Variants in NELL1 observed in about 807,000 individuals in gnomAD.
NELL1 encodes the protein neural EGFL like 1, also known as protein kinase C-binding protein NELL1.
A neutral mutation model predicts 107.4 loss-of-function variants in NELL1; 76 were observed. That is an observed-to-expected ratio of 0.71 (90% CI 0.59 to 0.86). The LOEUF (loss-of-function observed/expected upper bound fraction) is 0.86. Ranked by LOEUF, NELL1 falls within the 40% of genes least tolerant of loss-of-function variation. The pLI, the probability that NELL1 is intolerant of heterozygous loss-of-function variation, is 0.00. For synonymous variants in NELL1, 353 were observed against 341.2 expected (o/e 1.03, Z -0.38); for missense variants, 1,024 against 1,005.5 (o/e 1.02, Z -0.25).
chr11:21,403,622 T>G (rs907071617), intron 15 of NELL1, among the ~76,000 whole-genome samples: 3 of 146,714 alleles, frequency 2.0e-5, no homozygotes, highest in African/African-American at 7.6e-5. Context: ...AAAAAAAAAA[T>G]GTGCCTTTAA....
chr11:21,048,529 A>G (rs1207440542), intron 12 of NELL1, among the ~76,000 whole-genome samples: 1 of 151,778 alleles, frequency 6.6e-6, no homozygotes. Flanking sequence ...CTTGCTTCTC[A>G]TCCTCCCTCT....
chr11:21,060,128 C>T (rs925278663), intron 12 of NELL1, among the ~76,000 whole-genome samples: 1 of 152,070 alleles, frequency 6.6e-6, no homozygotes. Flanking sequence ...CATGCTGTCA[C>T]CATTCATTTC....
chr11:21,401,435 C>T (rs2133797062), intron 15 of NELL1, among the ~76,000 whole-genome samples: 1 of 151,924 alleles, frequency 6.6e-6, no homozygotes, highest in Admixed American at 6.6e-5. Flanking sequence ...CAAACTAAAG[C>T]CCACGTGAGA....
At chr11:21,189,834 GA>G (rs1857012958) in intron 13 of NELL1, among the ~76,000 whole-genome samples, 2 of 151,684 alleles carry the variant, frequency 1.3e-5, no homozygotes, top group South Asian at 4.1e-4. Context: ...TGTAACTATT[GA>G]AATGTAAGAA....
chr11:21,101,794 G>A (rs192546441), intron 12 of NELL1, among the ~76,000 whole-genome samples: 3 of 152,280 alleles, frequency 2.0e-5, no homozygotes, highest in East Asian at 1.9e-4. Context: ...TAGGTTGCCT[G>A]TTCACTCTGA....
At chr11:20,848,490 T>A (rs754315057) in intron 4 of NELL1, among the ~76,000 whole-genome samples, 1 of 152,136 alleles carries the variant, frequency 6.6e-6, no homozygotes, top group Non-Finnish European at 1.5e-5. Context: ...AAGGGGAAAG[T>A]TTTTATCTCT....
At chr11:21,305,169 G>T (rs573455707) in intron 14 of NELL1, among the ~76,000 whole-genome samples, 19 of 151,998 alleles carry the variant, frequency 1.3e-4, no homozygotes, top group Non-Finnish European at 2.4e-4. Context: ...AATTGTATTT[G>T]AAAGTGTCAT....
chr11:20,683,060 G>C lies in NELL1; in HGVS notation c.184+5000G>C, dbSNP rs151262621. ...TGATTATATTTAAATCTATCTTCTC[G>C]TGATTTGTTTCCTACCTGTTCCATG... On this transcript the variant is annotated intron_variant, in intron 2 of 19. Coordinates refer to ENST00000357134, the MANE Select transcript of NELL1 (RefSeq NM_006157.5). Among the ~76,000 whole-genome samples, 26 of 151,876 alleles carry C rather than the reference G, an allele frequency of 1.7e-4. 1 individual carries two copies. The South Asian group carries it at 1.9e-3, about 11-fold the overall frequency.
chr11:21,208,968 C>T (rs948805872), intron 13 of NELL1, among the ~76,000 whole-genome samples: 1 of 152,062 alleles, frequency 6.6e-6, no homozygotes, highest in Non-Finnish European at 1.5e-5. Context: ...GGCTTTTGAC[C>T]TCCAATAACT....
intron 12 of NELL1, among the ~76,000 whole-genome samples, chr11:21,051,312 C>T (rs375723387): frequency 1.3e-5 from 2 of 152,226 alleles, no homozygotes; most frequent in East Asian, 3.9e-4. Flanking sequence ...TATGTTCTCA[C>T]TTGTAAATGG....
At chr11:20,866,356 A>G (rs1338101041) in intron 4 of NELL1, among the ~76,000 whole-genome samples, 2 of 152,204 alleles carry the variant, frequency 1.3e-5, no homozygotes, top group Non-Finnish European at 2.9e-5. Flanking sequence ...CCACAGGTCC[A>G]ACTCATCTGG....
At chr11:21,179,862 C>CT (rs1164420669) in intron 13 of NELL1, among the ~76,000 whole-genome samples, 2,356 of 75,422 alleles carry the variant, frequency 0.031, 446 homozygotes, top group African/African-American at 0.11. Flanking sequence ...AATCAACACA[C>CT]TTTTTTTTTT....
chr11:21,187,547 T>C (rs1477787245), intron 13 of NELL1, among the ~76,000 whole-genome samples: 1 of 151,796 alleles, frequency 6.6e-6, no homozygotes, highest in Admixed American at 6.6e-5. Flanking sequence ...CCCTTTCAAA[T>C]TTTTGCCTAT....
rs184553856 is a variant in NELL1 at position 20,679,337 on chromosome 11, C to T, written c.184+1277C>T. Among the ~76,000 whole-genome samples, 10 of 152,282 alleles carry T rather than the reference C, an allele frequency of 6.6e-5. No individual in the cohort carries two copies. The East Asian group carries it at 7.7e-4, about 12-fold the overall frequency. On this transcript the variant is annotated intron_variant, in intron 2 of 19. Transcript: ENST00000357134. ...GTAAGGCAGCCTGGATATTCCTCTA[C>T]GAAAATGTCTGGCAGGGTTCTTTTA... is the stretch of plus-strand genomic sequence containing the variant.
intron 12 of NELL1, among the ~76,000 whole-genome samples, chr11:20,996,739 C>T (rs1322631601): frequency 2.0e-5 from 3 of 152,164 alleles, no homozygotes; most frequent in Non-Finnish European, 4.4e-5. Context: ...TCCTTCTAGA[C>T]TTCCAGACAG....
At chr11:21,005,295 G>C (rs1391867177) in intron 12 of NELL1, among the ~76,000 whole-genome samples, 1 of 152,182 alleles carries the variant, frequency 6.6e-6, no homozygotes, top group Non-Finnish European at 1.5e-5. Context: ...ACAATTACAT[G>C]TTTTGTTTCT....
At chr11:20,972,031 G>A (rs1378190673) in intron 12 of NELL1, among the ~76,000 whole-genome samples, 1 of 150,914 alleles carries the variant, frequency 6.6e-6, no homozygotes, top group Non-Finnish European at 1.5e-5. Flanking sequence ...GCTGGGGAGC[G>A]GGGTGGGGGG....
chr11:21,268,054 A>T (rs1038212935), intron 14 of NELL1, among the ~76,000 whole-genome samples: 1 of 151,792 alleles, frequency 6.6e-6, no homozygotes, highest in Non-Finnish European at 1.5e-5. Flanking sequence ...AAGTTAGGTC[A>T]CAGGGAAAAC....
At chr11:21,343,807 C>A (rs1850627005) in intron 14 of NELL1, among the ~76,000 whole-genome samples, 1 of 152,070 alleles carries the variant, frequency 6.6e-6, no homozygotes, top group East Asian at 1.9e-4. Flanking sequence ...CTAATCTAAG[C>A]CTCTTGAGGA....
Sources: allele counts gnomAD v4.1 joint callset (sites outside exome capture counted in the v4.1 genomes callset), GRCh38; gene constraint gnomAD v4.1.1; transcripts MANE v1.5; gene names NCBI Gene and HGNC (gene_info 2026-07-23, HGNC 2026-07-21).